The following SLC12A2 variants were observed in gnomAD, a reference collection of about 807,000 sequenced individuals.
SLC12A2 encodes solute carrier family 12 member 2.
SLC12A2 carries 67 observed loss-of-function variants against 136.3 expected under a neutral mutation model. The ratio of observed to expected loss-of-function variants is 0.49; its 90% CI spans 0.40 to 0.60. SLC12A2 has a LOEUF of 0.60. Ranked by LOEUF, SLC12A2 falls within the 20% of genes least tolerant of loss-of-function variation. The pLI is 0.00. For missense variants in SLC12A2, 1,322 were observed against 1,534.7 expected (o/e 0.86, Z 2.32); for synonymous variants, 619 against 562.9 (o/e 1.10, Z -1.41).
In SLC12A2 at chr5:128,098,067, A is replaced by G. The variant is rs557739029; in HGVS notation, c.756+13357A>G. ...AAGTCAGCCAACTGTGTAAGATGTTATTTTTCTCATTGCTTTCCAGATTTT... is the reference window on the plus strand; with the variant it reads ...AAGTCAGCCAACTGTGTAAGATGTTGTTTTTCTCATTGCTTTCCAGATTTT... On this transcript the variant is annotated intron_variant, in intron 1 of 26. Transcript: ENST00000262461. Among the ~76,000 whole-genome samples, 7 of 151,864 alleles carry G rather than the reference A, an allele frequency of 4.6e-5. 1 individual carries two copies. In the South Asian group the frequency reaches 1.2e-3, roughly 27 times the overall value.
chr5:128,145,196 T>G (rs1009924528), intron 10 of SLC12A2, among the ~76,000 whole-genome samples: 1 of 152,024 alleles, frequency 6.6e-6, no homozygotes, highest in African/African-American at 2.4e-5. Flanking sequence ...GAAGGGAAAA[T>G]GTATTGTTTC....
chr5:128,183,371 A>G (rs1763769285), intron 24 of SLC12A2, among the ~76,000 whole-genome samples: 1 of 152,090 alleles, frequency 6.6e-6, no homozygotes, highest in South Asian at 2.1e-4. Flanking sequence ...ACAGGTTGTT[A>G]TAATGATATT....
rs748081694 is a variant in SLC12A2 at position 128,184,822 on chromosome 5, A to G, written c.3469A>G (p.Lys1157Glu). 1 of 1,608,072 alleles carries G rather than the reference A, an allele frequency of 6.2e-7. No homozygotes were observed. The change falls in exon 26 of 27, where the codon AAG becomes GAG. Residue 1157 changes from lysine to glutamate, a missense_variant. Coordinates refer to ENST00000262461, the MANE Select transcript of SLC12A2 (RefSeq NM_001046.3). ...GCAGATCAGGTTAAATGAGTTATTAAAGGAACATTCAAGCACAGCTAATAT... is the reference window on the plus strand; with the variant it reads ...GCAGATCAGGTTAAATGAGTTATTAGAGGAACATTCAAGCACAGCTAATAT... ...YRQIRLNELL[K>E]EHSSTANIIV... is the part of the protein sequence containing the mutation.
rs746966394 is a variant in SLC12A2 at position 128,188,056 on chromosome 5, T to C, written c.*1425T>C. 4.6e-5 allele frequency: 7 copies of C among 152,008 alleles called. No individual in the cohort carries two copies. The highest frequency in any genetic ancestry group is 1.0e-4 in the Non-Finnish European group (7 of 67,992). The allele number at this position is 152,008 out of a possible 1,614,324, so 9.4% of individuals were successfully genotyped here. A position where few individuals can be genotyped will look rare whatever the true frequency, so the allele number is the denominator to read the frequency against. On this transcript the variant is annotated 3_prime_UTR_variant, in exon 27 of 27. Transcript: ENST00000262461. ...AATTTATGTTGCTGGTATTTTGCAT[T>C]TTAAAGTGATCAAGATTCATTAGGC... is the stretch of plus-strand genomic sequence containing the variant.
intron 1 of SLC12A2, among the ~76,000 whole-genome samples, chr5:128,111,275 A>G (rs1276392472): frequency 6.8e-6 from 1 of 147,916 alleles, no homozygotes. Context: ...AGTAATTAAC[A>G]TATGTAAATA....
chr5:128,135,227 C>A lies in SLC12A2; in HGVS notation c.1300-473C>A, dbSNP rs76157990. Among the ~76,000 whole-genome samples, 888 of 152,118 alleles carry A rather than the reference C, an allele frequency of 5.8e-3. 3 individuals are homozygous for A. The highest frequency in any genetic ancestry group is 0.024 in the Middle Eastern group (7 of 294). ...GAATTTCCCTCCTGTATATTGTCAT[C>A]TTCTTTCTGTACTTTTTCTTATTTT... On this transcript the variant is annotated intron_variant, in intron 6 of 26. Transcript: ENST00000262461.
At chr5:128,106,752 A>G (rs557600417) in intron 1 of SLC12A2, among the ~76,000 whole-genome samples, 20 of 152,260 alleles carry the variant, frequency 1.3e-4, no homozygotes, top group African/African-American at 3.4e-4. Flanking sequence ...AATTATTGCT[A>G]GTTCTTCTAT....
chr5:128,084,043 C>A lies in SLC12A2; in HGVS notation c.89C>A (p.Ala30Asp). 1 of 1,276,066 alleles carries A rather than the reference C, an allele frequency of 7.8e-7. No homozygotes were observed. The highest frequency in any genetic ancestry group is 3.2e-5 in the East Asian group (1 of 31,206). The allele number at this position is 1,276,066 out of a possible 1,614,324, so 79.0% of individuals were successfully genotyped here. ...CCGTCAGCCGCTGCGCTGGCCGCAG[C>A]CAGGGTGGAACTGCCCGGCACGGCT... ...ETPSAAALAA[A>D]RVELPGTAVP... Residue 30 changes from alanine (A) to aspartate (D), a missense_variant, in exon 1 of 27, where the codon GCC becomes GAC. Ala to Asp is a moderately radical substitution (Grantham distance 126, BLOSUM62 -2). This residue lies in a region of SLC12A2 where 358 missense variants were observed against 299.7 expected (regional missense o/e 1.19). Transcript: ENST00000262461. This position sits in a 1 kb window ranked among gnomAD's most constrained non-coding sequence, Gnocchi z 5.6.
Position 128,131,926 on chromosome 5 carries a change from A to G in SLC12A2, c.1188+720A>G, listed in dbSNP as rs112035229. ...AGGCTGAGGCAGGGGAATTGCTAGA[A>G]CTGGGGAGGCAAAGGTTGCGGTGAG... On this transcript the variant is annotated intron_variant, in intron 5 of 26. Transcript: ENST00000262461. Among the ~76,000 whole-genome samples, 278 of 152,308 alleles carry G rather than the reference A, an allele frequency of 1.8e-3. 1 individual carries two copies. The highest frequency in any genetic ancestry group is 6.2e-3 in the African/African-American group (259 of 41,574).
In SLC12A2 at chr5:128,083,841, GAA is replaced by G; in HGVS notation, c.-112_-111del. 2 of 811,584 alleles carry G rather than the reference GAA, an allele frequency of 2.5e-6. No homozygotes were observed. The highest frequency in any genetic ancestry group is 3.6e-5 in the East Asian group (1 of 27,998). The allele number at this position is 811,584 out of a possible 1,614,324, so 50.3% of individuals were successfully genotyped here. On this transcript the variant is annotated 5_prime_UTR_variant, in exon 1 of 27. Transcript: ENST00000262461. ...AGCGGCGGCCCGCAGGCGGCGGGGA[GAA>G]AGACTCTCTCACCTGGTCTTGCGGC... is the stretch of plus-strand genomic sequence containing the variant.
At chr5:128,106,328 A>G (rs1350625732) in intron 1 of SLC12A2, among the ~76,000 whole-genome samples, 3 of 152,140 alleles carry the variant, frequency 2.0e-5, no homozygotes, top group African/African-American at 7.2e-5. Context: ...ATAGTTCATA[A>G]TTGCACACTT....
At chr5:128,107,421 T>G (rs968625442) in intron 1 of SLC12A2, among the ~76,000 whole-genome samples, 1 of 152,214 alleles carries the variant, frequency 6.6e-6, no homozygotes, top group African/African-American at 2.4e-5. Context: ...TAGGCATTTC[T>G]CCTACTGCTG....
intron 1 of SLC12A2, among the ~76,000 whole-genome samples, chr5:128,106,536 A>G (rs982256516): frequency 4.6e-5 from 7 of 152,176 alleles, no homozygotes; most frequent in Non-Finnish European, 8.8e-5. Context: ...ATTGAACTAC[A>G]AATAAAAAGT....
At chr5:128,116,415 ATATC>A (rs201245257) in intron 4 of SLC12A2, among the ~76,000 whole-genome samples, 15 of 139,572 alleles carry the variant, frequency 1.1e-4, no homozygotes, top group African/African-American at 2.2e-4. Flanking sequence ...ATATATATAT[ATATC>A]TCTTTACAAA....
chr5:128,188,380 C>T lies in SLC12A2; in HGVS notation c.*1749C>T, dbSNP rs1763934659. On this transcript the variant is annotated 3_prime_UTR_variant, in exon 27 of 27. Coordinates refer to ENST00000262461, the MANE Select transcript of SLC12A2 (RefSeq NM_001046.3). ...CGTGATCTTGGCTCACTGCGACCTCCACCTCCCCAGTTCAAGCGATTCTCC... is the reference window on the plus strand; with the variant it reads ...CGTGATCTTGGCTCACTGCGACCTCTACCTCCCCAGTTCAAGCGATTCTCC... The T allele has an allele frequency of 6.7e-6, 1 of 149,648 alleles. No homozygotes were observed. The highest frequency in any genetic ancestry group is 2.5e-5 in the African/African-American group (1 of 40,398). 9.3% of individuals were successfully genotyped at this position (149,648 alleles called of 1,614,324 possible).
chr5:128,084,031 C>A lies in SLC12A2; in HGVS notation c.77C>A (p.Ala26Glu). ...GTCGGGGAGACGCCGTCAGCCGCTG[C>A]GCTGGCCGCAGCCAGGGTGGAACTG... ...AGVGETPSAA[A>E]LAAARVELPG... The change falls in exon 1 of 27, where the codon GCG becomes GAG. Residue 26 changes from alanine to glutamate, a missense_variant. By Grantham distance (107) the Ala-to-Glu change is moderately radical (BLOSUM62 -1). This residue lies in a region of SLC12A2 where 358 missense variants were observed against 299.7 expected (regional missense o/e 1.19). Coordinates refer to ENST00000262461, the MANE Select transcript of SLC12A2 (RefSeq NM_001046.3). This position sits in a 1 kb window ranked among gnomAD's most constrained non-coding sequence, Gnocchi z 5.6. 1 of 1,266,376 alleles carries A rather than the reference C, an allele frequency of 7.9e-7. No homozygotes were observed. Among genetic ancestry groups the A allele is most frequent in the Non-Finnish European group, 9.9e-7 (1 of 1,008,498 alleles). The allele number at this position is 1,266,376 out of a possible 1,614,324, so 78.4% of individuals were successfully genotyped here. A position where few individuals can be genotyped will look rare whatever the true frequency, so the allele number is the denominator to read the frequency against.
In SLC12A2 at chr5:128,099,030, A is replaced by G. The variant is rs1442117770; in HGVS notation, c.757-13784A>G. ...AGGGATCTGACAAAAGTGCAGCTAC[A>G]TCTATCATGAGTATTTTCTTTCCTG... On this transcript the variant is annotated intron_variant, in intron 1 of 26. Coordinates refer to ENST00000262461, the MANE Select transcript of SLC12A2 (RefSeq NM_001046.3). 4.6e-5 allele frequency among the ~76,000 whole-genome samples: 7 copies of G among 152,168 alleles called. No homozygotes were observed. The South Asian group carries it at 1.4e-3, about 31-fold the overall frequency.
chr5:128,185,654 A>G (rs1162635610), intron 26 of SLC12A2, among the ~76,000 whole-genome samples: 1 of 152,188 alleles, frequency 6.6e-6, no homozygotes, highest in Non-Finnish European at 1.5e-5. Context: ...ATAAATAGAA[A>G]TTAAAACTAA....
At chr5:128,089,828 G>C (rs1760245608) in intron 1 of SLC12A2, among the ~76,000 whole-genome samples, 1 of 152,160 alleles carries the variant, frequency 6.6e-6, no homozygotes, top group Admixed American at 6.5e-5. Flanking sequence ...TTCTCTGAGT[G>C]GGCTGTGTTG....
Sources: gnomAD v4.1 joint callset for allele counts (sites outside exome capture counted in the v4.1 genomes callset) on GRCh38, gnomAD v4.1.1 for gene constraint, gnomAD v4.1.1 regional missense constraint, Gnocchi (gnomAD v3.1) non-coding constraint, MANE v1.5 for transcripts, NCBI Gene and HGNC (gene_info 2026-07-23, HGNC 2026-07-21) for gene names.